COL25A1: variants seen among roughly 807,000 people sequenced by gnomAD.
The protein encoded by COL25A1 is collagen alpha-1(XXV) chain.
Under a neutral mutation model 128.4 loss-of-function variants are expected in COL25A1, and 103 were observed. The observed-to-expected ratio is 0.80, with a 90% CI of 0.68 to 0.94. The LOEUF (loss-of-function observed/expected upper bound fraction) is 0.94, where lower values mean the gene tolerates loss of function less well. COL25A1 is among the 40% of genes least tolerant of loss of function. The pLI is 0.00. For missense variants in COL25A1, 745 were observed against 840.0 expected (o/e 0.89, Z 1.40); for synonymous variants, 279 against 277.2 (o/e 1.01, Z -0.06).
At chr4:109,173,691 T>A (rs372264342) in intron 3 of COL25A1, among the ~76,000 whole-genome samples, 7 of 152,206 alleles carry the variant, frequency 4.6e-5, no homozygotes, top group African/African-American at 1.7e-4. Flanking sequence ...TTGTTATATG[T>A]CAATAATTAT....
intron 3 of COL25A1, among the ~76,000 whole-genome samples, chr4:109,201,795 T>C (rs1262028500): frequency 6.6e-6 from 1 of 152,094 alleles, no homozygotes; most frequent in South Asian, 2.1e-4. Context: ...GGTTGCAGGA[T>C]ATAAAGTTAA....
At chr4:109,044,310 A>C (rs1324060607) in intron 5 of COL25A1, among the ~76,000 whole-genome samples, 1 of 152,170 alleles carries the variant, frequency 6.6e-6, no homozygotes, top group Non-Finnish European at 1.5e-5. Flanking sequence ...ACATAATTCT[A>C]GTGGAATATA....
chr4:109,049,412 T>C (rs967222723), intron 4 of COL25A1, among the ~76,000 whole-genome samples: 19 of 152,246 alleles, frequency 1.2e-4, no homozygotes, highest in African/African-American at 4.6e-4. Flanking sequence ...ACTTGACTTT[T>C]CTGTTTTACA....
At position 109,220,755 on chromosome 4, in the gene COL25A1, C is replaced by T. The variant is rs149280943; in HGVS notation, c.367+79828G>A. Among the ~76,000 whole-genome samples the T allele has an allele frequency of 3.6e-4, 55 of 152,192 alleles. 1 individual carries two copies. The highest frequency in any genetic ancestry group is 1.3e-3 in the African/African-American group (53 of 41,560). ...ACTAAATTCAAATTCCTTTAGAGCA[C>T]ATGGAAACAATTTTCTTTCTTTTTA... On this transcript the variant is annotated intron_variant, in intron 3 of 37. Transcript: ENST00000399132.
At chr4:108,821,391 C>T (rs1350738291) in intron 35 of COL25A1, among the ~76,000 whole-genome samples, 1 of 152,116 alleles carries the variant, frequency 6.6e-6, no homozygotes, top group African/African-American at 2.4e-5. Flanking sequence ...GTAAGTTGGT[C>T]ACTCACTCAA....
At chr4:109,145,551 A>G (rs1770858102) in intron 3 of COL25A1, among the ~76,000 whole-genome samples, 1 of 152,206 alleles carries the variant, frequency 6.6e-6, no homozygotes, top group Non-Finnish European at 1.5e-5. Context: ...TAAGAGAGAA[A>G]GCACAGCCTT....
At chr4:109,280,467 T>C (rs1004879505) in intron 3 of COL25A1, among the ~76,000 whole-genome samples, 70 of 152,214 alleles carry the variant, frequency 4.6e-4, no homozygotes, top group African/African-American at 1.6e-3. Context: ...TTCTAACAAA[T>C]ACAATGCACA....
At chr4:108,879,750 T>C (rs1393277000) in intron 19 of COL25A1, among the ~76,000 whole-genome samples, 31 of 145,590 alleles carry the variant, frequency 2.1e-4, no homozygotes, top group Non-Finnish European at 1.5e-5. Context: ...CCCGGCCTGG[T>C]GGTACATGTT....
intron 3 of COL25A1, among the ~76,000 whole-genome samples, chr4:109,248,906 C>T (rs1208506218): frequency 2.6e-5 from 4 of 152,206 alleles, no homozygotes; most frequent in African/African-American, 4.8e-5. Flanking sequence ...GATTGCTTTT[C>T]TGACATCCCT....
chr4:109,269,263 CATT>C (rs879670996), intron 3 of COL25A1, among the ~76,000 whole-genome samples: 5,331 of 151,660 alleles, frequency 0.035, 321 homozygotes, highest in African/African-American at 0.12. Flanking sequence ...GACATGAACG[CATT>C]ATTTTTTATG....
intron 3 of COL25A1, among the ~76,000 whole-genome samples, chr4:109,060,354 C>T (rs780297245): frequency 6.6e-6 from 1 of 152,108 alleles, no homozygotes; most frequent in Non-Finnish European, 1.5e-5. Flanking sequence ...CTTCCCAAAG[C>T]GACCTGTCTC....
chr4:109,139,586 C>T (rs2526447), intron 3 of COL25A1, among the ~76,000 whole-genome samples: 233 of 152,246 alleles, frequency 1.5e-3, no homozygotes, highest in African/African-American at 5.1e-3. Flanking sequence ...GGAATCTTTT[C>T]CCTGTTGCTT....
At chr4:109,066,298 C>T (rs1762443270) in intron 3 of COL25A1, among the ~76,000 whole-genome samples, 1 of 152,150 alleles carries the variant, frequency 6.6e-6, no homozygotes, top group African/African-American at 2.4e-5. Context: ...TTAGTCCCTT[C>T]CCCAGAGCCC....
intron 13 of COL25A1, among the ~76,000 whole-genome samples, chr4:108,911,225 T>A (rs1744177602): frequency 6.6e-6 from 1 of 152,174 alleles, no homozygotes; most frequent in Non-Finnish European, 1.5e-5. Context: ...TATAGTGTTT[T>A]AGGAACAGAA....
chr4:108,823,537 T>C (rs1732020606), intron 35 of COL25A1, among the ~76,000 whole-genome samples: 1 of 152,162 alleles, frequency 6.6e-6, no homozygotes, highest in African/African-American at 2.4e-5. Flanking sequence ...AAAACCATAT[T>C]GCCTGACATG....
chr4:109,074,067 C>T (rs1410768562), intron 3 of COL25A1, among the ~76,000 whole-genome samples: 1 of 152,088 alleles, frequency 6.6e-6, no homozygotes, highest in Admixed American at 6.6e-5. Context: ...CAAACTGTTC[C>T]ACCTCAGATC....
In COL25A1 at chr4:108,886,481, TGTGTGTGTGTG is replaced by T. The variant is rs1172727531; in HGVS notation, c.976-2270_976-2260del. ...GTGTGTGTGTGTGTGTGTGTGTGTG[TGTGTGTGTGTG>T]TTTAGCTCATCAGCTATTTTATGTG... On this transcript the variant is annotated intron_variant, in intron 18 of 37. Transcript: ENST00000399132. Among the ~76,000 whole-genome samples, 332 of 133,752 alleles carry T rather than the reference TGTGTGTGTGTG, an allele frequency of 2.5e-3. 8 individuals are homozygous for T. Among genetic ancestry groups the T allele is most frequent in the African/African-American group, 6.9e-3 (253 of 36,846 alleles). The allele number at this position is 133,752 out of a possible 152,430, so 87.7% of individuals were successfully genotyped here.
chr4:109,112,512 ACAGT>A (rs756375922), intron 3 of COL25A1, among the ~76,000 whole-genome samples: 9 of 36,402 alleles, frequency 2.5e-4, no homozygotes, highest in Non-Finnish European at 1.1e-3. Flanking sequence ...GAAAAAAAAA[ACAGT>A]GTTTCTATTC....
rs972843652 is a variant in COL25A1, at chr4:109,020,512, G to T, written c.421-10137C>A. Among the ~76,000 whole-genome samples, 9 of 139,506 alleles carry T rather than the reference G, an allele frequency of 6.5e-5. No homozygotes were observed. In the South Asian group the frequency reaches 1.1e-3, roughly 16 times the overall value. The allele number at this position is 139,506 out of a possible 152,430, so 91.5% of individuals were successfully genotyped here. ...ATGAGCATGGAGATTATTATGGGGG[G>T]GGGGGGGTTCAACATAAAAAACAAG... On this transcript the variant is annotated intron_variant, in intron 5 of 37. Coordinates refer to ENST00000399132, the MANE Select transcript of COL25A1 (RefSeq NM_198721.4).
Sources: allele counts gnomAD v4.1 joint callset (sites outside exome capture counted in the v4.1 genomes callset), GRCh38; gene constraint gnomAD v4.1.1; transcripts MANE v1.5; gene names NCBI Gene and HGNC (gene_info 2026-07-23, HGNC 2026-07-21).